Variants in GPHN observed in about 807,000 individuals in gnomAD.
GPHN encodes gephyrin.
GPHN carries 17 observed loss-of-function variants against 95.5 expected under a neutral mutation model. That is an observed-to-expected ratio of 0.18 (90% CI 0.12 to 0.27). The LOEUF (loss-of-function observed/expected upper bound fraction) is 0.27. Among genes scored for constraint, GPHN ranks in the 10% least tolerant of loss-of-function variants. The pLI is 1.00. For missense variants in GPHN, 660 were observed against 978.1 expected (o/e 0.67, Z 4.34); for synonymous variants, 320 against 322.5 (o/e 0.99, Z 0.08).
chr14:66,821,015 AC>A (rs1470721253), intron 3 of GPHN, among the ~76,000 whole-genome samples: 1 of 152,190 alleles, frequency 6.6e-6, no homozygotes, highest in Non-Finnish European at 1.5e-5. Flanking sequence ...CCTCAGCCTC[AC>A]TTTTGCAACA....
intron 1 of GPHN, among the ~76,000 whole-genome samples, chr14:66,652,262 C>T (rs2065079927): frequency 6.6e-6 from 1 of 152,128 alleles, no homozygotes; most frequent in African/African-American, 2.4e-5. Context: ...ATATTCACTT[C>T]ATTCCCCTAT....
intron 1 of GPHN, among the ~76,000 whole-genome samples, chr14:66,534,087 G>T (rs887325287): frequency 2.0e-5 from 3 of 152,106 alleles, no homozygotes; most frequent in African/African-American, 7.2e-5. Context: ...TTTTCTCCAA[G>T]TATACATCCA....
the GPHN span, among the ~76,000 whole-genome samples, chr14:67,209,549 GTGGC>G: frequency 6.6e-6 from 1 of 152,120 alleles, no homozygotes; most frequent in Non-Finnish European, 1.5e-5. Context: ...GCCGGGTGTG[GTGGC>G]TCATGCCTGT....
intron 2 of GPHN, among the ~76,000 whole-genome samples, chr14:66,761,309 G>A (rs555663446): frequency 2.6e-5 from 4 of 152,218 alleles, no homozygotes; most frequent in Admixed American, 1.3e-4. Context: ...ATGGCACTAG[G>A]CAGCATTTGT....
chr14:67,725,384 C>G, the GPHN span: 1 of 940,868 alleles, frequency 1.1e-6, no homozygotes, highest in Non-Finnish European at 1.7e-6. Context: ...CCACATGAAC[C>G]AGCAGGACAG....
At chr14:66,558,543 A>T (rs980762331) in intron 1 of GPHN, among the ~76,000 whole-genome samples, 1 of 152,114 alleles carries the variant, frequency 6.6e-6, no homozygotes, top group Admixed American at 6.6e-5. Context: ...CCTCCATTCA[A>T]TAAGTCTTTA....
At chr14:66,669,383 A>G (rs1266620097) in intron 1 of GPHN, among the ~76,000 whole-genome samples, 1 of 150,670 alleles carries the variant, frequency 6.6e-6, no homozygotes, top group Non-Finnish European at 1.5e-5. Context: ...AAAAAAAAAG[A>G]TATTTCCTTT....
intron 9 of GPHN, among the ~76,000 whole-genome samples, chr14:67,009,797 C>T (rs1341295428): frequency 6.6e-6 from 1 of 151,928 alleles, no homozygotes; most frequent in Non-Finnish European, 1.5e-5. Context: ...TTTTTTTAGA[C>T]ACCCAGGTTG....
chr14:67,734,150 C>T, the GPHN span: 4 of 326,408 alleles, frequency 1.2e-5, no homozygotes, highest in Admixed American at 4.0e-5. Context: ...CAGAAGAGCC[C>T]GAGAAATTGG....
chr14:66,974,289 A>G (rs1290924587), intron 9 of GPHN, among the ~76,000 whole-genome samples: 3 of 152,138 alleles, frequency 2.0e-5, no homozygotes, highest in African/African-American at 4.8e-5. Context: ...CTTATTTTCA[A>G]TAGTTTTCCT....
chr14:67,265,257 A>G, the GPHN span, among the ~76,000 whole-genome samples: 3 of 152,320 alleles, frequency 2.0e-5, no homozygotes, highest in Admixed American at 2.0e-4. Context: ...AGGGTGTTCT[A>G]CTAAACAGTA....
At chr14:66,599,273 C>A (rs1037133483) in intron 1 of GPHN, among the ~76,000 whole-genome samples, 1 of 151,840 alleles carries the variant, frequency 6.6e-6, no homozygotes, top group African/African-American at 2.4e-5. Context: ...TATCCTCATT[C>A]CAATTTAAGA....
At position 66,870,955 on chromosome 14, in the gene GPHN, T is replaced by G. The variant is rs550516922; in HGVS notation, c.295-8984T>G. On this transcript the variant is annotated intron_variant, in intron 4 of 22. Transcript: ENST00000478722. ...GAAGCAAAGCCCAATAAACCAATTC[T>G]ATAAAAAGTGAAATGAGGCATTCAA... Among the ~76,000 whole-genome samples the G allele has an allele frequency of 2.6e-5, 4 of 152,334 alleles. No individual in the cohort carries two copies. The East Asian group carries it at 7.7e-4, about 29-fold the overall frequency.
Position 66,508,606 on chromosome 14 carries a change from A to G in GPHN, c.64+15A>G. The G allele has an allele frequency of 6.2e-7, 1 of 1,607,740 alleles. No individual in the cohort carries two copies. Among genetic ancestry groups the G allele is most frequent in the East Asian group, 2.2e-5 (1 of 44,840 alleles). On this transcript the variant is annotated intron_variant, in intron 1 of 22. Coordinates refer to ENST00000478722, the MANE Select transcript of GPHN (RefSeq NM_020806.5). ...AGTCCTTACAGGTAACCGGGGGAGG[A>G]GGTCTGGGACCTATGAGGCTGCTGT...
At chr14:66,667,344 C>G (rs1398007833) in intron 1 of GPHN, among the ~76,000 whole-genome samples, 1 of 152,032 alleles carries the variant, frequency 6.6e-6, no homozygotes, top group Non-Finnish European at 1.5e-5. Context: ...CTGAATAGCC[C>G]AAGCAATCGT....
chr14:66,942,024 GT>G (rs1311686320), intron 8 of GPHN, among the ~76,000 whole-genome samples: 1 of 152,078 alleles, frequency 6.6e-6, no homozygotes, highest in Non-Finnish European at 1.5e-5. Flanking sequence ...TTACTTGTTT[GT>G]TTTGAGACAG....
the GPHN span, among the ~76,000 whole-genome samples, chr14:67,299,725 C>T: frequency 1.3e-5 from 2 of 152,098 alleles, no homozygotes; most frequent in Non-Finnish European, 1.5e-5. Context: ...TGGGTAAACA[C>T]GGGAGTTCTA....
the GPHN span, chr14:67,397,838 C>T: frequency 5.6e-6 from 9 of 1,599,692 alleles, no homozygotes; most frequent in Non-Finnish European, 7.7e-6. Flanking sequence ...TATGGACAGA[C>T]AAGAAAGCCC....
At chr14:67,663,309 C>T in the GPHN span, 2 of 647,824 alleles carry the variant, frequency 3.1e-6, no homozygotes, top group Non-Finnish European at 2.5e-6. Context: ...AATATGATAG[C>T]AAGTTTCATT....
Sources: gnomAD v4.1 joint callset for allele counts (sites outside exome capture counted in the v4.1 genomes callset) on GRCh38, gnomAD v4.1.1 for gene constraint, MANE v1.5 for transcripts, NCBI Gene and HGNC (gene_info 2026-07-23, HGNC 2026-07-21) for gene names.